SHISA9: variants seen among roughly 807,000 people sequenced by gnomAD.
SHISA9 encodes shisa family member 9, also known as protein shisa-9.
In SHISA9, 13 loss-of-function variants were observed where a neutral mutation model predicts 38.0. That is an observed-to-expected ratio of 0.34 (90% CI 0.22 to 0.54). The LOEUF (loss-of-function observed/expected upper bound fraction) is 0.54. Ranked by LOEUF, SHISA9 falls within the 20% of genes least tolerant of loss-of-function variation. SHISA9 has a pLI of 0.91. For missense variants in SHISA9, 538 were observed against 575.8 expected (o/e 0.93, Z 0.67); for synonymous variants, 275 against 242.0 (o/e 1.14, Z -1.27).
At chr16:13,422,199 G>A in the SHISA9 span, among the ~76,000 whole-genome samples, 3 of 152,316 alleles carry the variant, frequency 2.0e-5, no homozygotes, top group Admixed American at 2.0e-4. Context: ...AGCCAGCACA[G>A]AGGTTCAGTG....
chr16:13,080,803 G>A (rs1246041187), intron 2 of SHISA9, among the ~76,000 whole-genome samples: 1 of 152,204 alleles, frequency 6.6e-6, no homozygotes, highest in Admixed American at 6.5e-5. Context: ...GACCATAGAC[G>A]GAGTGGCTTA....
intron 1 of SHISA9, 94 bp downstream of exon 1, chr16:12,902,721 C>T: frequency 1.6e-6 from 2 of 1,259,648 alleles, no homozygotes; most frequent in Non-Finnish European, 2.1e-6. Context: ...CCCCACGGTC[C>T]CCGCTCCCCG....
intron 2 of SHISA9, among the ~76,000 whole-genome samples, chr16:13,010,833 T>G (rs1292206004): frequency 6.6e-6 from 1 of 152,126 alleles, no homozygotes; most frequent in Non-Finnish European, 1.5e-5. Flanking sequence ...ATGCCTGTAA[T>G]CGCAGCTACT....
chr16:13,481,096 G>T, the SHISA9 span, among the ~76,000 whole-genome samples: 1 of 152,188 alleles, frequency 6.6e-6, no homozygotes, highest in African/African-American at 2.4e-5. Flanking sequence ...AGTTGGGGCT[G>T]ACCAACCGCT....
intron 2 of SHISA9, among the ~76,000 whole-genome samples, chr16:13,188,746 G>C (rs563713837): frequency 1.4e-5 from 2 of 148,064 alleles, no homozygotes; most frequent in Non-Finnish European, 3.0e-5. Context: ...AAAGGTATGA[G>C]GAAAACAAGA....
intron 2 of SHISA9, among the ~76,000 whole-genome samples, chr16:12,993,229 C>T (rs1347424078): frequency 6.6e-6 from 1 of 152,140 alleles, no homozygotes; most frequent in Non-Finnish European, 1.5e-5. Flanking sequence ...TTGATTTTCT[C>T]CTTATTTTTG....
the SHISA9 span, among the ~76,000 whole-genome samples, chr16:13,411,295 G>A: frequency 6.6e-6 from 1 of 152,204 alleles, no homozygotes; most frequent in African/African-American, 2.4e-5. Context: ...CCCAAATTTT[G>A]TGTGAATCAA....
the SHISA9 span, among the ~76,000 whole-genome samples, chr16:13,459,413 G>A: frequency 2.0e-5 from 3 of 152,090 alleles, no homozygotes; most frequent in African/African-American, 7.2e-5. Flanking sequence ...AGGGTAGAAG[G>A]ATACAAAGGG....
At chr16:12,968,674 G>A (rs2072013345) in intron 2 of SHISA9, among the ~76,000 whole-genome samples, 2 of 152,176 alleles carry the variant, frequency 1.3e-5, no homozygotes, top group African/African-American at 4.8e-5. Flanking sequence ...ACTGTGTGTG[G>A]TTCTGTTTAT....
intron 2 of SHISA9, among the ~76,000 whole-genome samples, chr16:13,042,200 C>A (rs1264696121): frequency 6.6e-6 from 1 of 152,170 alleles, no homozygotes; most frequent in Non-Finnish European, 1.5e-5. Context: ...GGGAATCTTG[C>A]ACTGGTCGCT....
rs116455338 is a variant in SHISA9, at chr16:13,178,386, G to T, written c.692-25008G>T. Among the ~76,000 whole-genome samples, 1,125 of 151,406 alleles carry T rather than the reference G, an allele frequency of 7.4e-3. 12 individuals are homozygous for T. The highest frequency in any genetic ancestry group is 0.026 in the African/African-American group (1,063 of 41,212). Reference sequence around the variant, plus strand: ...TAATGGGACTGAAAGAGTCTTCAAGGTTCCCAGTTCTACTATCTCCTGACG... The same window carrying T: ...TAATGGGACTGAAAGAGTCTTCAAGTTTCCCAGTTCTACTATCTCCTGACG... On this transcript the variant is annotated intron_variant, in intron 2 of 4. Coordinates refer to ENST00000558583, the MANE Select transcript of SHISA9 (RefSeq NM_001145204.3).
At chr16:13,165,643 T>C (rs2050628933) in intron 2 of SHISA9, among the ~76,000 whole-genome samples, 2 of 152,204 alleles carry the variant, frequency 1.3e-5, no homozygotes, top group Non-Finnish European at 2.9e-5. Flanking sequence ...CAAAGGTACT[T>C]TGTAATGTCT....
At chr16:13,281,533 C>T in the SHISA9 span, among the ~76,000 whole-genome samples, 1 of 147,620 alleles carries the variant, frequency 6.8e-6, no homozygotes, top group Admixed American at 6.8e-5. Context: ...GGTTTTTTTC[C>T]ATTTTCAGTT....
intron 2 of SHISA9, among the ~76,000 whole-genome samples, chr16:12,944,826 G>T (rs1020064310): frequency 6.6e-6 from 1 of 152,116 alleles, no homozygotes; most frequent in African/African-American, 2.4e-5. Flanking sequence ...ACAAGCAGAT[G>T]CTGAGACAAG....
At chr16:13,476,669 C>T in the SHISA9 span, among the ~76,000 whole-genome samples, 1 of 151,836 alleles carries the variant, frequency 6.6e-6, no homozygotes, top group Admixed American at 6.6e-5. Context: ...ACCCTCCCTC[C>T]CATCCCACTT....
intron 2 of SHISA9, among the ~76,000 whole-genome samples, chr16:13,048,080 G>C (rs966459494): frequency 6.6e-6 from 1 of 152,200 alleles, no homozygotes; most frequent in Non-Finnish European, 1.5e-5. Context: ...TATTCTGGGA[G>C]ACCACGCTCC....
At chr16:13,211,054 T>G (rs930743619) in intron 3 of SHISA9, among the ~76,000 whole-genome samples, 1 of 152,166 alleles carries the variant, frequency 6.6e-6, no homozygotes, top group African/African-American at 2.4e-5. Flanking sequence ...CCCAGCAGTT[T>G]GGGAGGCCAA....
chr16:13,031,743 C>T (rs781438236), intron 2 of SHISA9, among the ~76,000 whole-genome samples: 1 of 152,270 alleles, frequency 6.6e-6, no homozygotes, highest in African/African-American at 2.4e-5. Context: ...AGTTCTGTTA[C>T]AGTACTTGTT....
intron 2 of SHISA9, among the ~76,000 whole-genome samples, chr16:13,182,383 C>A (rs1431446825): frequency 1.3e-5 from 2 of 152,182 alleles, no homozygotes; most frequent in African/African-American, 4.8e-5. Flanking sequence ...AGAACCTTTC[C>A]TTTCCTCTTT....
Sources: gnomAD v4.1 joint callset for allele counts (sites outside exome capture counted in the v4.1 genomes callset) on GRCh38, gnomAD v4.1.1 for gene constraint, MANE v1.5 for transcripts, NCBI Gene and HGNC (gene_info 2026-07-23, HGNC 2026-07-21) for gene names.